HIVEP1: variants seen among roughly 807,000 people sequenced by gnomAD.
The protein encoded by HIVEP1 is HIVEP zinc finger 1.
HIVEP1 carries 36 observed loss-of-function variants against 180.0 expected under a neutral mutation model. The ratio of observed to expected loss-of-function variants is 0.20; its 90% CI spans 0.15 to 0.26. The LOEUF is 0.26. Among genes scored for constraint, HIVEP1 ranks in the 10% least tolerant of loss-of-function variants. The pLI is 1.00. For synonymous variants in HIVEP1, 1,239 were observed against 1,239.0 expected (o/e 1.00, Z 0.00); for missense variants, 3,143 against 3,268.7 (o/e 0.96, Z 0.94).
At chr6:12,176,560 G>A in the HIVEP1 span, among the ~76,000 whole-genome samples, 1 of 151,974 alleles carries the variant, frequency 6.6e-6, no homozygotes, top group African/African-American at 2.4e-5. Context: ...AGGAGCCGTT[G>A]GACTTCAGAT....
At chr6:12,111,562 G>C (rs1774893309) in intron 3 of HIVEP1, among the ~76,000 whole-genome samples, 1 of 152,190 alleles carries the variant, frequency 6.6e-6, no homozygotes. Context: ...TCATGTTCTT[G>C]TGAGCTGTCA....
At chr6:12,041,873 A>C (rs989489668) in intron 2 of HIVEP1, among the ~76,000 whole-genome samples, 1 of 151,690 alleles carries the variant, frequency 6.6e-6, no homozygotes, top group East Asian at 1.9e-4. Context: ...GTTAGCTAGG[A>C]TGGTCTTGAT....
downstream of HIVEP1, among the ~76,000 whole-genome samples, chr6:12,166,066 A>G (rs896247876): frequency 2.0e-5 from 3 of 152,220 alleles, no homozygotes; most frequent in African/African-American, 7.2e-5. Context: ...ATATTCTGAG[A>G]TAGCTTTGGA....
In HIVEP1 at chr6:12,122,005, C is replaced by T; in HGVS notation, c.2210C>T (p.Pro737Leu). The change falls in exon 4 of 9, where the codon CCA becomes CTA. Residue 737 changes from proline (P) to leucine (L), a missense_variant. Coordinates refer to ENST00000379388, the MANE Select transcript of HIVEP1 (RefSeq NM_002114.4). ...KALLLPGQMRPPLATKTLEER... is the reference protein window; with the variant it reads ...KALLLPGQMRLPLATKTLEER... ...TTGCTTTTACCAGGTCAGATGCGCC[C>T]ACCTTTGGCCACAAAAACACTTGAG... is the stretch of plus-strand genomic sequence containing the variant. The T allele has an allele frequency of 1.9e-6, 3 of 1,614,178 alleles. No individual in the cohort carries two copies. Among genetic ancestry groups the T allele is most frequent in the Middle Eastern group, 1.6e-4 (1 of 6,062 alleles).
chr6:12,095,733 G>C (rs1043608392), intron 3 of HIVEP1, among the ~76,000 whole-genome samples: 1 of 151,890 alleles, frequency 6.6e-6, no homozygotes, highest in Non-Finnish European at 1.5e-5. Flanking sequence ...TGATGAAAAA[G>C]CTGAAGTTGA....
intron 2 of HIVEP1, among the ~76,000 whole-genome samples, chr6:12,062,550 G>T (rs1201079246): frequency 6.6e-6 from 1 of 152,052 alleles, no homozygotes; most frequent in Non-Finnish European, 1.5e-5. Context: ...AAGTCAAAAG[G>T]CTATGGGGAA....
intron 3 of HIVEP1, among the ~76,000 whole-genome samples, chr6:12,094,571 A>G (rs147859651): frequency 2.0e-5 from 3 of 152,122 alleles, no homozygotes; most frequent in Non-Finnish European, 4.4e-5. Flanking sequence ...GTTTCTATGT[A>G]AAGATGATCT....
chr6:12,168,173 A>G (rs1243967975), downstream of HIVEP1, among the ~76,000 whole-genome samples: 1 of 56,314 alleles, frequency 1.8e-5, no homozygotes, highest in Non-Finnish European at 3.4e-5. Flanking sequence ...GTGTATATCT[A>G]TATTATATAT....
Position 12,120,598 on chromosome 6 carries a change from C to G in HIVEP1, c.803C>G (p.Ala268Gly). The G allele has an allele frequency of 6.2e-7, 1 of 1,613,972 alleles. No individual in the cohort carries two copies. The highest frequency in any genetic ancestry group is 8.5e-7 in the Non-Finnish European group (1 of 1,179,804). ...ACCTCATACACAGTCCATATGTCTG[C>G]TGCTCAGAAGAATGAGCAAGGGGCA... ...SCTSYTVHMS[A>G]AQKNEQGAMQ... Residue 268 changes from alanine to glycine, a missense_variant, in exon 4 of 9, where the codon GCT (alanine) becomes GGT (glycine). Ala to Gly is a moderately conservative substitution (Grantham distance 60, BLOSUM62 0). Transcript: ENST00000379388.
At chr6:12,151,347 T>C (rs1309743383) in intron 7 of HIVEP1, among the ~76,000 whole-genome samples, 1 of 152,168 alleles carries the variant, frequency 6.6e-6, no homozygotes, top group East Asian at 1.9e-4. Context: ...CAAATATAGA[T>C]TCCTTAGGTC....
chr6:12,135,518 GAAAT>G (rs945817098), intron 6 of HIVEP1, among the ~76,000 whole-genome samples: 1 of 152,128 alleles, frequency 6.6e-6, no homozygotes, highest in African/African-American at 2.4e-5. Flanking sequence ...AATGTCCCAA[GAAAT>G]AAATAAGGAT....
intron 3 of HIVEP1, among the ~76,000 whole-genome samples, chr6:12,106,174 A>G (rs867948118): frequency 4.6e-5 from 7 of 151,938 alleles, no homozygotes; most frequent in Middle Eastern, 3.4e-3. Flanking sequence ...ACCATTTAAT[A>G]TCTTTTCCAT....
At chr6:12,110,641 G>A (rs1297197917) in intron 3 of HIVEP1, among the ~76,000 whole-genome samples, 1 of 152,230 alleles carries the variant, frequency 6.6e-6, no homozygotes, top group Non-Finnish European at 1.5e-5. Flanking sequence ...TTTGGCTTAA[G>A]GGATGTTGTG....
At chr6:12,135,452 C>T (rs1469973228) in intron 6 of HIVEP1, among the ~76,000 whole-genome samples, 1 of 152,126 alleles carries the variant, frequency 6.6e-6, no homozygotes, top group Non-Finnish European at 1.5e-5. Context: ...ATTCACACTC[C>T]AAGAACTACA....
chr6:12,179,505 C>T, the HIVEP1 span, among the ~76,000 whole-genome samples: 1 of 152,200 alleles, frequency 6.6e-6, no homozygotes, highest in Non-Finnish European at 1.5e-5. Flanking sequence ...CATAGATTGG[C>T]TCCATCCTCC....
intron 2 of HIVEP1, among the ~76,000 whole-genome samples, chr6:12,030,714 T>G (rs1411540744): frequency 6.6e-6 from 1 of 152,220 alleles, no homozygotes; most frequent in Non-Finnish European, 1.5e-5. Flanking sequence ...TTCCCTTCAG[T>G]TCTTTGAACA....
chr6:12,014,763 CTG>C (rs775067000), intron 1 of HIVEP1, among the ~76,000 whole-genome samples: 1 of 152,216 alleles, frequency 6.6e-6, no homozygotes, highest in Non-Finnish European at 1.5e-5. Context: ...GTTTTAAAAT[CTG>C]TAAGTCAGGA....
rs2228220 is a variant in HIVEP1 at position 12,123,016 on chromosome 6, A to G, written c.3221A>G (p.Asn1074Ser). 0.1 allele frequency: 164,077 copies of G among 1,613,994 alleles called. 9,228 individuals are homozygous for G. The highest frequency in any genetic ancestry group is 0.17 in the Middle Eastern group (1,023 of 6,062). ...LGCNPSLPKHNVTIRSDQQHK... is the reference protein window; with the variant it reads ...LGCNPSLPKHSVTIRSDQQHK... ...TGTAATCCCAGTTTGCCTAAACATA[A>G]TGTTACCATAAGAAGTGACCAGCAG... The change falls in exon 4 of 9, where the codon AAT becomes AGT. Residue 1074 changes from asparagine (N) to serine (S), a missense_variant. Around this residue, in one of 12 missense-constraint regions of HIVEP1, gnomAD observed 1,357 missense variants for 1,260.5 expected, o/e 1.08. Transcript: ENST00000379388.
At chr6:12,201,605 C>A in the HIVEP1 span, among the ~76,000 whole-genome samples, 1 of 152,228 alleles carries the variant, frequency 6.6e-6, no homozygotes, top group Non-Finnish European at 1.5e-5. Context: ...TTTCGGCTTT[C>A]ACCAATGACT....
Sources: allele counts gnomAD v4.1 joint callset (sites outside exome capture counted in the v4.1 genomes callset), GRCh38; gene constraint gnomAD v4.1.1; regional missense constraint gnomAD v4.1.1; transcripts MANE v1.5; gene names NCBI Gene and HGNC (gene_info 2026-07-23, HGNC 2026-07-21).